Variants in MDGA2 observed in about 807,000 individuals in gnomAD.
The protein encoded by MDGA2 is MAM domain containing glycosylphosphatidylinositol anchor 2, also known as MAM domain-containing glycosylphosphatidylinositol anchor protein 2.
Under a neutral mutation model 117.8 loss-of-function variants are expected in MDGA2, and 40 were observed. The observed-to-expected ratio is 0.34, with a 90% CI of 0.26 to 0.44. The LOEUF (loss-of-function observed/expected upper bound fraction) is 0.44, where lower values mean the gene tolerates loss of function less well. Ranked by LOEUF, MDGA2 falls within the 20% of genes least tolerant of loss-of-function variation. The pLI is 1.00. For synonymous variants in MDGA2, 452 were observed against 439.0 expected (o/e 1.03, Z -0.37); for missense variants, 1,123 against 1,250.6 (o/e 0.90, Z 1.54).
At chr14:47,082,012 A>G (rs992797975) in intron 6 of MDGA2, among the ~76,000 whole-genome samples, 1 of 152,114 alleles carries the variant, frequency 6.6e-6, no homozygotes, top group Non-Finnish European at 1.5e-5. Flanking sequence ...GGGAGTATCA[A>G]ATTTATGCTG....
intron 2 of MDGA2, among the ~76,000 whole-genome samples, chr14:47,241,868 C>T (rs1357118291): frequency 6.6e-6 from 1 of 151,826 alleles, no homozygotes; most frequent in African/African-American, 2.4e-5. Context: ...AAATTGAAAT[C>T]CCTTCTTTAC....
chr14:47,320,599 C>T (rs1889951663), intron 1 of MDGA2, among the ~76,000 whole-genome samples: 1 of 152,098 alleles, frequency 6.6e-6, no homozygotes, highest in Non-Finnish European at 1.5e-5. Context: ...CTCCATCCCT[C>T]CATCCTGTCT....
intron 5 of MDGA2, among the ~76,000 whole-genome samples, chr14:47,129,656 G>T (rs1233056318): frequency 6.6e-6 from 1 of 150,556 alleles, no homozygotes; most frequent in Non-Finnish European, 1.5e-5. Context: ...AGATCCCGGA[G>T]GAATCGCCAC....
intron 9 of MDGA2, among the ~76,000 whole-genome samples, chr14:46,955,649 A>G (rs1189799989): frequency 6.6e-6 from 1 of 152,078 alleles, no homozygotes; most frequent in Non-Finnish European, 1.5e-5. Flanking sequence ...AAGAAGAAAG[A>G]AAAGAGGAAT....
chr14:47,007,498 T>A (rs959461219), intron 8 of MDGA2, among the ~76,000 whole-genome samples: 2 of 151,748 alleles, frequency 1.3e-5, no homozygotes, highest in African/African-American at 2.4e-5. Flanking sequence ...TATTTTAGTA[T>A]ACATTAAAAT....
At chr14:47,109,245 C>T (rs1880904461) in intron 5 of MDGA2, among the ~76,000 whole-genome samples, 1 of 152,196 alleles carries the variant, frequency 6.6e-6, no homozygotes, top group Admixed American at 6.5e-5. Flanking sequence ...ATCAGCAGAG[C>T]ATGAACTTTC....
intron 1 of MDGA2, among the ~76,000 whole-genome samples, chr14:47,666,760 T>G (rs1897979062): frequency 6.6e-6 from 1 of 152,128 alleles, no homozygotes; most frequent in Non-Finnish European, 1.5e-5. Context: ...TTGCAATAAA[T>G]CTTGCTGTTG....
At chr14:47,095,641 T>A (rs1197014090) in intron 6 of MDGA2, among the ~76,000 whole-genome samples, 1 of 152,000 alleles carries the variant, frequency 6.6e-6, no homozygotes, top group East Asian at 1.9e-4. Flanking sequence ...CATGTACATA[T>A]GTACATATAA....
intron 1 of MDGA2, among the ~76,000 whole-genome samples, chr14:47,389,715 G>T (rs1435344059): frequency 2.0e-5 from 3 of 152,026 alleles, no homozygotes; most frequent in African/African-American, 7.2e-5. Flanking sequence ...CTACTTTGCA[G>T]TCCTTGGGCC....
At chr14:46,883,282 G>A (rs906749115) in intron 10 of MDGA2, among the ~76,000 whole-genome samples, 17 of 151,916 alleles carry the variant, frequency 1.1e-4, no homozygotes, top group African/African-American at 4.1e-4. Flanking sequence ...CTCTTGCAAG[G>A]ATGCAAGAAT....
chr14:47,628,862 T>A (rs1897201667), intron 1 of MDGA2, among the ~76,000 whole-genome samples: 1 of 152,228 alleles, frequency 6.6e-6, no homozygotes, highest in Admixed American at 6.5e-5. Flanking sequence ...AGGACTTTCC[T>A]CCTTGCAGGG....
Position 47,312,688 on chromosome 14 carries a change from G to GT in MDGA2, c.281-11139dup, listed in dbSNP as rs1186421912. On this transcript the variant is annotated intron_variant, in intron 1 of 16. Transcript: ENST00000399232. ...CCAGCTAGTTTTTAGTTTTTTTTTT[G>GT]TTTTGTTTTGTTTTTTTTTTTTGTA... Among the ~76,000 whole-genome samples, 113 of 104,272 alleles carry GT rather than the reference G, an allele frequency of 1.1e-3. 3 individuals carry two copies. In the East Asian group the frequency reaches 0.013, roughly 12 times the overall value. 68.4% of individuals were successfully genotyped at this position (104,272 alleles called of 152,430 possible). A position where few individuals can be genotyped will look rare whatever the true frequency, so the allele number is the denominator to read the frequency against.
At chr14:47,399,762 T>G (rs1892095031) in intron 1 of MDGA2, among the ~76,000 whole-genome samples, 1 of 151,986 alleles carries the variant, frequency 6.6e-6, no homozygotes, top group South Asian at 2.1e-4. Flanking sequence ...TCTGTTTTTT[T>G]GTTAAAAAAA....
intron 1 of MDGA2, among the ~76,000 whole-genome samples, chr14:47,399,550 AT>A (rs756382109): frequency 1.3e-5 from 2 of 152,172 alleles, no homozygotes; most frequent in Non-Finnish European, 2.9e-5. Context: ...ACTGAATTAG[AT>A]TCTAAAACAC....
chr14:47,644,572 A>G (rs1897489670), intron 1 of MDGA2, among the ~76,000 whole-genome samples: 1 of 152,140 alleles, frequency 6.6e-6, no homozygotes, highest in Non-Finnish European at 1.5e-5. Flanking sequence ...GAGAGGGAGA[A>G]GGGAAGAGAT....
At chr14:47,277,995 G>GA (rs1428566978) in intron 2 of MDGA2, among the ~76,000 whole-genome samples, 20 of 152,078 alleles carry the variant, frequency 1.3e-4, no homozygotes, top group Admixed American at 5.2e-4. Context: ...CAGCAGAGGG[G>GA]AAAAAGAGTT....
At chr14:46,929,624 TATATATATATATATATATATATACA>T (rs1566530283) in intron 9 of MDGA2, among the ~76,000 whole-genome samples, 2,782 of 34,180 alleles carry the variant, frequency 0.081, 506 homozygotes, top group Non-Finnish European at 0.12. Flanking sequence ...TATATATATA[TATATATATATATATATATATATACA>T]TTTTTTTTTT....
chr14:47,660,386 A>C (rs1226769083), intron 1 of MDGA2, among the ~76,000 whole-genome samples: 1 of 152,246 alleles, frequency 6.6e-6, no homozygotes, highest in Non-Finnish European at 1.5e-5. Flanking sequence ...ACTATAGGAC[A>C]CAATAACAGC....
intron 5 of MDGA2, among the ~76,000 whole-genome samples, chr14:47,119,429 T>G (rs1594642169): frequency 6.6e-6 from 1 of 152,134 alleles, no homozygotes; most frequent in Non-Finnish European, 1.5e-5. Flanking sequence ...TGTATTCATA[T>G]CTAACATTTT....
Sources: allele counts gnomAD v4.1 joint callset (sites outside exome capture counted in the v4.1 genomes callset), GRCh38; gene constraint gnomAD v4.1.1; transcripts MANE v1.5; gene names NCBI Gene and HGNC (gene_info 2026-07-23, HGNC 2026-07-21).